EXOC5: variants seen among roughly 807,000 people sequenced by gnomAD.
EXOC5 encodes exocyst complex component 5, also known as SEC10-like 1.
EXOC5 carries 17 observed loss-of-function variants against 90.8 expected under a neutral mutation model. The ratio of observed to expected loss-of-function variants is 0.19; its 90% CI spans 0.13 to 0.28. EXOC5 has a LOEUF of 0.28. Among genes scored for constraint, EXOC5 ranks in the 10% least tolerant of loss-of-function variants. The probability of loss-of-function intolerance (pLI) is 1.00; values close to 1 mark genes in which losing one functional copy is unlikely to be tolerated. For missense variants in EXOC5, 569 were observed against 830.6 expected, an observed-to-expected ratio of 0.69 and a Z score of 3.87; for synonymous variants, 260 against 270.0, an observed-to-expected ratio of 0.96 and a Z score of 0.36.
intron 7 of EXOC5, among the ~76,000 whole-genome samples, chr14:57,234,931 T>C (rs897008457): frequency 6.6e-6 from 1 of 152,208 alleles, no homozygotes; most frequent in Admixed American, 6.5e-5. Flanking sequence ...TTTGGAAATT[T>C]ACTTTTTAAA....
At chr14:57,265,087 C>T (rs557397819) in intron 1 of EXOC5, among the ~76,000 whole-genome samples, 15 of 150,426 alleles carry the variant, frequency 1.0e-4, no homozygotes, top group South Asian at 2.1e-4. Flanking sequence ...AAATCTCCAA[C>T]GAAACAGACT....
intron 1 of EXOC5, among the ~76,000 whole-genome samples, chr14:57,253,694 A>C (rs1289850944): frequency 6.6e-6 from 1 of 151,892 alleles, no homozygotes; most frequent in Non-Finnish European, 1.5e-5. Context: ...GAAAGCCTAG[A>C]AAAAAAACCC....
At chr14:57,223,161 T>A (rs1460293508) in intron 12 of EXOC5, among the ~76,000 whole-genome samples, 1 of 152,090 alleles carries the variant, frequency 6.6e-6, no homozygotes, top group Non-Finnish European at 1.5e-5. Context: ...TTTAGCACAG[T>A]ATTTGCACAT....
intron 1 of EXOC5, among the ~76,000 whole-genome samples, chr14:57,250,438 C>A (rs141958902): frequency 4.6e-5 from 7 of 152,168 alleles, no homozygotes; most frequent in African/African-American, 1.7e-4. Flanking sequence ...TTCTCCTATT[C>A]CTTCTCCCAA....
chr14:57,266,202 G>A (rs1884664840), intron 1 of EXOC5, among the ~76,000 whole-genome samples: 1 of 152,188 alleles, frequency 6.6e-6, no homozygotes, highest in Non-Finnish European at 1.5e-5. Context: ...ACTACATCCT[G>A]CCTTCCGTTT....
intron 4 of EXOC5, among the ~76,000 whole-genome samples, chr14:57,243,827 A>G (rs1344837173): frequency 6.6e-6 from 1 of 152,118 alleles, no homozygotes; most frequent in Admixed American, 6.5e-5. Context: ...ACCACCACCC[A>G]ATGGACTGTC....
chr14:57,203,183 C>G lies in EXOC5; in HGVS notation c.*5426G>C, dbSNP rs1295972007. On this transcript the variant is annotated 3_prime_UTR_variant, in exon 18 of 18. Coordinates refer to ENST00000621441, the MANE Select transcript of EXOC5 (RefSeq NM_006544.4). ...CAGAGTGGTCTTGAACTCCTAGCTT[C>G]AAGTGTTCTTCCCACCTCAGCCTCC... 1.3e-5 allele frequency: 2 copies of G among 152,308 alleles called. No individual in the cohort carries two copies. The highest frequency in any genetic ancestry group is 3.9e-4 in the East Asian group (2 of 5,182). 9.4% of individuals were successfully genotyped at this position (152,308 alleles called of 1,614,324 possible). A position where few individuals can be genotyped will look rare whatever the true frequency, so the allele number is the denominator to read the frequency against.
intron 1 of EXOC5, among the ~76,000 whole-genome samples, chr14:57,264,544 CT>C: frequency 6.6e-6 from 1 of 152,180 alleles, no homozygotes; most frequent in African/African-American, 2.4e-5. Context: ...CATTTAGGAC[CT>C]CCAAAATTAA....
intron 4 of EXOC5, 64 bp from the exon 5 acceptor site, chr14:57,239,723 A>G (rs973544649): frequency 4.1e-6 from 4 of 964,876 alleles, no homozygotes; most frequent in Non-Finnish European, 6.2e-6. Context: ...AAATAATTAT[A>G]TATCTGAAAT....
intron 1 of EXOC5, among the ~76,000 whole-genome samples, chr14:57,265,413 G>A (rs1471373634): frequency 6.6e-6 from 1 of 152,026 alleles, no homozygotes; most frequent in African/African-American, 2.4e-5. Context: ...AAGGAGAGAG[G>A]AACATTTGCA....
intron 14 of EXOC5, among the ~76,000 whole-genome samples, chr14:57,218,851 A>G (rs1468311502): frequency 6.6e-6 from 1 of 152,126 alleles, no homozygotes; most frequent in Non-Finnish European, 1.5e-5. Flanking sequence ...CAAATGCTTT[A>G]TAAGTTCACA....
intron 5 of EXOC5, chr14:57,237,730 AC>A (rs1267326330): frequency 6.1e-6 from 1 of 165,224 alleles, no homozygotes; most frequent in Non-Finnish European, 1.3e-5. Flanking sequence ...TACTGTTCTT[AC>A]TTTTATTTGC....
intron 3 of EXOC5, among the ~76,000 whole-genome samples, chr14:57,244,570 A>T (rs1247863757): frequency 1.3e-5 from 2 of 152,198 alleles, no homozygotes; most frequent in Non-Finnish European, 2.9e-5. Context: ...ATTTATCGTG[A>T]GTACATTAAT....
chr14:57,233,065 T>C, intron 9 of EXOC5: 1 of 185,122 alleles, frequency 5.4e-6, no homozygotes, highest in Non-Finnish European at 1.1e-5. Context: ...ATAGAGTCAA[T>C]TCCTTAAGGC....
At chr14:57,211,509 T>A (rs1040086427) in intron 15 of EXOC5, among the ~76,000 whole-genome samples, 12 of 152,140 alleles carry the variant, frequency 7.9e-5, no homozygotes, top group African/African-American at 2.7e-4. Context: ...TGTCTTTAGT[T>A]ACTGTGTTCC....
At chr14:57,245,286 A>T (rs1884001651) in intron 3 of EXOC5, among the ~76,000 whole-genome samples, 1 of 152,088 alleles carries the variant, frequency 6.6e-6, no homozygotes, top group Admixed American at 6.6e-5. Flanking sequence ...CCTTAAACTG[A>T]GGTGGGGAAG....
Position 57,220,057 on chromosome 14 carries a change from T to A in EXOC5, c.1406-615A>T, listed in dbSNP as rs189960931. 1.5e-4 allele frequency among the ~76,000 whole-genome samples: 23 copies of A among 152,308 alleles called. No individual in the cohort carries two copies. In the East Asian group the frequency reaches 4.2e-3, roughly 28 times the overall value. On this transcript the variant is annotated intron_variant, in intron 13 of 17. Coordinates refer to ENST00000621441, the MANE Select transcript of EXOC5 (RefSeq NM_006544.4). ...GATGAACTCTAAGGTCCTAGATGTT[T>A]ATGTTTCTAGCTAAAAGTAAAAGAC...
chr14:57,257,434 A>G (rs1490855023), intron 1 of EXOC5, among the ~76,000 whole-genome samples: 3 of 152,330 alleles, frequency 2.0e-5, no homozygotes, highest in South Asian at 2.1e-4. Context: ...ATCAACATAT[A>G]GATGGTTACT....
chr14:57,265,448 C>T (rs1040214037), intron 1 of EXOC5, among the ~76,000 whole-genome samples: 3 of 152,102 alleles, frequency 2.0e-5, no homozygotes, highest in Non-Finnish European at 2.9e-5. Flanking sequence ...ACTGGCGGGG[C>T]ACGGTGGCTC....
Sources: allele counts gnomAD v4.1 joint callset (sites outside exome capture counted in the v4.1 genomes callset), GRCh38; gene constraint gnomAD v4.1.1; transcripts MANE v1.5; gene names NCBI Gene and HGNC (gene_info 2026-07-23, HGNC 2026-07-21).